Variants in LCORL observed in about 807,000 individuals in gnomAD.
The protein encoded by LCORL is ligand-dependent nuclear receptor corepressor-like protein.
A neutral mutation model predicts 141.8 loss-of-function variants in LCORL; 41 were observed. That is an observed-to-expected ratio of 0.29 (90% CI 0.23 to 0.38). The LOEUF (loss-of-function observed/expected upper bound fraction) is 0.38. Among genes scored for constraint, LCORL ranks in the 10% least tolerant of loss-of-function variants. The probability of loss-of-function intolerance (pLI) is 1.00; values close to 1 mark genes in which losing one functional copy is unlikely to be tolerated. For synonymous variants in LCORL, 618 were observed against 694.1 expected (o/e 0.89, Z 1.72); for missense variants, 1,759 against 2,035.0 (o/e 0.86, Z 2.61).
chr4:17,886,745 C>T lies in LCORL; in HGVS notation c.683-584G>A, dbSNP rs145411806. On this transcript the variant is annotated intron_variant, in intron 5 of 7. Transcript: ENST00000635767. ...ACATAATAAATTGTGCTTATATCTACGACTAAAGACATAATTTACGATAAT... is the reference window on the plus strand; with the variant it reads ...ACATAATAAATTGTGCTTATATCTATGACTAAAGACATAATTTACGATAAT... 8.9e-4 allele frequency among the ~76,000 whole-genome samples: 135 copies of T among 151,954 alleles called. 1 individual carries two copies. The Middle Eastern group carries it at 0.014, about 15-fold the overall frequency.
At chr4:17,883,655 C>T in intron 6 of LCORL, 2 of 1,434,204 alleles carry the variant, frequency 1.4e-6, no homozygotes, top group East Asian at 2.5e-5. Flanking sequence ...CACACCTGTG[C>T]ACATACACAC....
At chr4:17,913,118 G>C (rs183768366) in intron 4 of LCORL, 6 of 189,256 alleles carry the variant, frequency 3.2e-5, no homozygotes, top group Middle Eastern at 2.1e-3. Flanking sequence ...GCATCAATTT[G>C]TGAGGACAAA....
intron 1 of LCORL, among the ~76,000 whole-genome samples, chr4:17,977,409 C>A (rs1340378787): frequency 1.3e-5 from 2 of 152,118 alleles, no homozygotes; most frequent in Non-Finnish European, 2.9e-5. Context: ...CCAATCACCA[C>A]TTGGTTAGTT....
At chr4:17,989,011 T>TA (rs1719515801) in intron 1 of LCORL, among the ~76,000 whole-genome samples, 1 of 152,120 alleles carries the variant, frequency 6.6e-6, no homozygotes, top group Non-Finnish European at 1.5e-5. Context: ...AAACAAAATT[T>TA]AAAAAAACTT....
At chr4:17,873,786 T>C (rs1242674589) in exon 7 of LCORL, 9 of 1,233,994 alleles carry the variant, frequency 7.3e-6, no homozygotes, top group South Asian at 4.1e-5. Flanking sequence ...TTCAAGACAG[T>C]TGAGCTTCCT....
chr4:17,912,937 G>T (rs1732810239), intron 4 of LCORL: 1 of 469,700 alleles, frequency 2.1e-6, no homozygotes. Flanking sequence ...GGATGGCAAA[G>T]TGGTGCCCGA....
At chr4:17,984,627 C>G (rs1718620874) in intron 1 of LCORL, among the ~76,000 whole-genome samples, 2 of 151,970 alleles carry the variant, frequency 1.3e-5, no homozygotes, top group Non-Finnish European at 1.5e-5. Flanking sequence ...TCCCCTTTGT[C>G]TTTTCTAATT....
chr4:17,998,543 C>A (rs1165048004), intron 1 of LCORL, among the ~76,000 whole-genome samples: 2 of 152,038 alleles, frequency 1.3e-5, no homozygotes, highest in African/African-American at 4.8e-5. Flanking sequence ...TATCTTCCAC[C>A]TTAACATCTT....
At chr4:17,973,176 A>C (rs545168702) in intron 1 of LCORL, among the ~76,000 whole-genome samples, 1 of 151,962 alleles carries the variant, frequency 6.6e-6, no homozygotes, top group East Asian at 1.9e-4. Context: ...TTATGGGCAG[A>C]TTTTGTATGT....
At chr4:17,915,952 C>T (rs1035747482) in intron 4 of LCORL, among the ~76,000 whole-genome samples, 10 of 152,166 alleles carry the variant, frequency 6.6e-5, no homozygotes, top group African/African-American at 2.2e-4. Flanking sequence ...GAAACCAACC[C>T]AACTGCCCCC....
chr4:17,908,117 C>T (rs1007260232), intron 5 of LCORL, among the ~76,000 whole-genome samples: 1 of 152,130 alleles, frequency 6.6e-6, no homozygotes, highest in Admixed American at 6.5e-5. Flanking sequence ...ACGGCAACCT[C>T]TGCCTCCTGG....
chr4:17,986,621 T>C (rs538991052), intron 1 of LCORL, among the ~76,000 whole-genome samples: 1 of 151,692 alleles, frequency 6.6e-6, no homozygotes, highest in Admixed American at 6.6e-5. Context: ...GTTAGGTGTG[T>C]TGTTTGTTTG....
intron 7 of LCORL, 61 bp from the exon 8 acceptor site, chr4:17,845,962 T>G: frequency 7.3e-7 from 1 of 1,367,752 alleles, no homozygotes; most frequent in Non-Finnish European, 1.0e-6. Flanking sequence ...TTATCAACCT[T>G]GTAAAAGAAC....
intron 4 of LCORL, among the ~76,000 whole-genome samples, chr4:17,947,006 C>T (rs1293039085): frequency 2.6e-5 from 4 of 151,992 alleles, no homozygotes; most frequent in South Asian, 2.1e-4. Flanking sequence ...ATCCCACTTC[C>T]GGGTATTCAC....
chr4:17,893,366 C>G (rs1729403310), intron 5 of LCORL: 2 of 953,090 alleles, frequency 2.1e-6, no homozygotes, highest in African/African-American at 1.8e-5. Context: ...TACTATTGAG[C>G]TAAGTAAATG....
chr4:17,960,183 A>C (rs758000751), intron 4 of LCORL: 20 of 154,342 alleles, frequency 1.3e-4, no homozygotes, highest in Non-Finnish European at 2.8e-4. Context: ...AAGAATCTTT[A>C]ATTTAAAAAC....
At chr4:17,935,086 C>G (rs1378367364) in intron 4 of LCORL, among the ~76,000 whole-genome samples, 1 of 152,114 alleles carries the variant, frequency 6.6e-6, no homozygotes, top group Middle Eastern at 3.2e-3. Context: ...TTATTACATA[C>G]TTTGCCCATT....
intron 5 of LCORL, among the ~76,000 whole-genome samples, chr4:17,892,456 CG>C (rs1729259209): frequency 6.6e-6 from 1 of 151,928 alleles, no homozygotes; most frequent in Non-Finnish European, 1.5e-5. Flanking sequence ...ATGATCTGCC[CG>C]CCTTGGCCTC....
chr4:17,962,915 A>C lies in LCORL; in HGVS notation c.300+55T>G, dbSNP rs578236940. 33 of 931,914 alleles carry C rather than the reference A, an allele frequency of 3.5e-5. No homozygotes were observed. The African/African-American group carries it at 4.1e-4, about 12-fold the overall frequency. The allele number at this position is 931,914 out of a possible 1,614,324, so 57.7% of individuals were successfully genotyped here. A position where few individuals can be genotyped will look rare whatever the true frequency, so the allele number is the denominator to read the frequency against. On this transcript the variant is annotated intron_variant, in intron 3 of 7. Coordinates refer to ENST00000635767, the Ensembl canonical transcript of LCORL. ...CAAAACAAATTAAGATAAAAAAAAA[A>C]CTGTGTTACAATTGTGCATTAGTTT...
Sources: gnomAD v4.1 joint callset for allele counts (sites outside exome capture counted in the v4.1 genomes callset) on GRCh38, gnomAD v4.1.1 for gene constraint, MANE v1.5 for transcripts, NCBI Gene and HGNC (gene_info 2026-07-23, HGNC 2026-07-21) for gene names.